Variants in STK24 observed in about 807,000 individuals in gnomAD.
The protein encoded by STK24 is serine/threonine kinase 24.
In STK24, 21 loss-of-function variants were observed where a neutral mutation model predicts 55.6. The observed-to-expected ratio is 0.38, with a 90% CI of 0.27 to 0.54. The LOEUF is 0.54. Among genes scored for constraint, STK24 ranks in the 20% least tolerant of loss-of-function variants. The pLI is 0.79. For synonymous variants in STK24, 200 were observed against 215.2 expected (o/e 0.93, Z 0.62); for missense variants, 383 against 538.4 (o/e 0.71, Z 2.86).
intron 2 of STK24, among the ~76,000 whole-genome samples, chr13:98,503,916 G>A (rs1349203044): frequency 6.6e-5 from 10 of 152,262 alleles, no homozygotes; most frequent in Middle Eastern, 3.4e-3. Context: ...ACAGTCCAGC[G>A]TCTGTTGACA....
At chr13:98,518,251 G>C (rs1223056316) in intron 2 of STK24, among the ~76,000 whole-genome samples, 1 of 152,144 alleles carries the variant, frequency 6.6e-6, no homozygotes, top group African/African-American at 2.4e-5. Flanking sequence ...TCCATCCTCT[G>C]ACTTACACCT....
At chr13:98,494,411 T>TAAAAAAAAAA (rs1212862168) in intron 2 of STK24, among the ~76,000 whole-genome samples, 1 of 9,150 alleles carries the variant, frequency 1.1e-4, no homozygotes, top group African/African-American at 2.5e-4. Context: ...CAGACTCGTC[T>TAAAAAAAAAA]CAAAAAAAAA....
chr13:98,534,988 T>C (rs1310605257), intron 1 of STK24, among the ~76,000 whole-genome samples: 3 of 152,202 alleles, frequency 2.0e-5, no homozygotes, highest in Non-Finnish European at 4.4e-5. Context: ...GAGAACCCAC[T>C]GGGCAGTCCC....
chr13:98,569,352 G>C (rs1897673759), intron 1 of STK24, among the ~76,000 whole-genome samples: 1 of 151,452 alleles, frequency 6.6e-6, no homozygotes, highest in African/African-American at 2.4e-5. Flanking sequence ...CACAGAAAAT[G>C]GCGCACTATA....
Position 98,516,042 on chromosome 13 carries a change from A to C in STK24, c.273+3201T>G, listed in dbSNP as rs1046498710. ...CTTGACATTAGGACCACACTTTCTA[A>C]ACCTACCAAGATGATGGAAGAATGG... On this transcript the variant is annotated intron_variant, in intron 2 of 10. Transcript: ENST00000539966. Among the ~76,000 whole-genome samples, 38 of 152,196 alleles carry C rather than the reference A, an allele frequency of 2.5e-4. 1 individual carries two copies. The highest frequency in any genetic ancestry group is 3.2e-3 in the Middle Eastern group (1 of 316).
chr13:98,504,532 G>T (rs1399576735), intron 2 of STK24, among the ~76,000 whole-genome samples: 1 of 152,234 alleles, frequency 6.6e-6, no homozygotes, highest in African/African-American at 2.4e-5. Context: ...CTCCTTTAAT[G>T]CAAGAAGGGA....
chr13:98,487,492 T>G (rs2139314788), intron 2 of STK24, among the ~76,000 whole-genome samples: 1 of 148,280 alleles, frequency 6.7e-6, no homozygotes, highest in South Asian at 2.3e-4. Context: ...TGGGCCCCCA[T>G]TACCCAGCAA....
intron 1 of STK24, among the ~76,000 whole-genome samples, chr13:98,536,094 G>A (rs1434322306): frequency 6.6e-6 from 1 of 152,174 alleles, no homozygotes; most frequent in East Asian, 1.9e-4. Flanking sequence ...AGGTGCGAAG[G>A]TCATAGACAA....
chr13:98,535,366 A>C (rs1025358638), intron 1 of STK24, among the ~76,000 whole-genome samples: 2,260 of 39,374 alleles, frequency 0.057, 81 homozygotes, highest in African/African-American at 0.14. Flanking sequence ...ACAAACAAAA[A>C]AAAAATATAT....
At chr13:98,497,935 G>A (rs1895308428) in intron 2 of STK24, among the ~76,000 whole-genome samples, 1 of 152,116 alleles carries the variant, frequency 6.6e-6, no homozygotes, top group Non-Finnish European at 1.5e-5. Flanking sequence ...CTCAGCAACT[G>A]AGCCACCAAC....
rs58342268 is a variant in STK24 at position 98,449,801 on chromosome 13, TGGGGGGG to T, written c.*3365_*3371del. 8.5e-5 allele frequency: 10 copies of T among 117,462 alleles called. No individual in the cohort carries two copies. Among genetic ancestry groups the T allele is most frequent in the Non-Finnish European group, 3.6e-5 (2 of 55,764 alleles). The allele number at this position is 117,462 out of a possible 1,614,324, so 7.3% of individuals were successfully genotyped here. On this transcript the variant is annotated 3_prime_UTR_variant, in exon 11 of 11. Coordinates refer to ENST00000539966, the MANE Select transcript of STK24 (RefSeq NM_001032296.4). ...TTGTCTGTAGTCTTCATTTTCTGTGTGGGGGGGGAGGGGGGAAGGGGACACTCCAGCA... is the reference window on the plus strand; with the variant it reads ...TTGTCTGTAGTCTTCATTTTCTGTGTGAGGGGGGAAGGGGACACTCCAGCA...
chr13:98,552,814 A>G (rs1323401946), intron 1 of STK24, among the ~76,000 whole-genome samples: 1 of 152,138 alleles, frequency 6.6e-6, no homozygotes, highest in Non-Finnish European at 1.5e-5. Context: ...TAGGGCCAAA[A>G]GGACACGTTT....
At chr13:98,568,125 T>C (rs1212937175) in intron 1 of STK24, among the ~76,000 whole-genome samples, 1 of 151,982 alleles carries the variant, frequency 6.6e-6, no homozygotes, top group Non-Finnish European at 1.5e-5. Context: ...GCCTGCCAAG[T>C]AGCTGGGATT....
chr13:98,487,226 T>G (rs1894841527), intron 2 of STK24, among the ~76,000 whole-genome samples: 1 of 152,192 alleles, frequency 6.6e-6, no homozygotes, highest in Non-Finnish European at 1.5e-5. Context: ...ACTGTCCTCA[T>G]AAAACCTTCC....
intron 1 of STK24, among the ~76,000 whole-genome samples, chr13:98,563,519 T>C (rs926277805): frequency 6.6e-6 from 1 of 152,170 alleles, no homozygotes; most frequent in Non-Finnish European, 1.5e-5. Flanking sequence ...ATCCCCTAAG[T>C]CTGTATAATG....
At chr13:98,472,806 T>C (rs1409616010) in intron 5 of STK24, among the ~76,000 whole-genome samples, 1 of 152,240 alleles carries the variant, frequency 6.6e-6, no homozygotes, top group African/African-American at 2.4e-5. Context: ...AAGTTTTAAA[T>C]CTTTAAACAT....
At chr13:98,542,378 A>G in intron 1 of STK24, among the ~76,000 whole-genome samples, 1 of 151,708 alleles carries the variant, frequency 6.6e-6, no homozygotes, top group Non-Finnish European at 1.5e-5. Flanking sequence ...CATCCTATGC[A>G]CAAACAACAA....
chr13:98,494,004 G>A (rs1384905415), intron 2 of STK24, among the ~76,000 whole-genome samples: 1 of 150,844 alleles, frequency 6.6e-6, no homozygotes, highest in Non-Finnish European at 1.5e-5. Flanking sequence ...CACCATGCCC[G>A]GGTAATTTTT....
At chr13:98,511,837 TA>T (rs1338050698) in intron 2 of STK24, among the ~76,000 whole-genome samples, 2 of 152,118 alleles carry the variant, frequency 1.3e-5, no homozygotes, top group African/African-American at 4.8e-5. Flanking sequence ...TGGTGGTACT[TA>T]TAAGAATCTA....
Sources: allele counts gnomAD v4.1 joint callset (sites outside exome capture counted in the v4.1 genomes callset), GRCh38; gene constraint gnomAD v4.1.1; transcripts MANE v1.5; gene names NCBI Gene and HGNC (gene_info 2026-07-23, HGNC 2026-07-21).